The following ABHD12 variants were observed in gnomAD, a reference collection of about 807,000 sequenced individuals.
The protein encoded by ABHD12 is abhydrolase domain containing 12, lysophospholipase.
ABHD12 carries 43 observed loss-of-function variants against 58.3 expected under a neutral mutation model. The observed-to-expected ratio is 0.74, with a 90% confidence interval of 0.58 to 0.95. The LOEUF is 0.95. Among genes scored for constraint, ABHD12 ranks in the 40% least tolerant of loss-of-function variants. The pLI is 0.00. For synonymous variants in ABHD12, 219 were observed against 211.2 expected, an observed-to-expected ratio of 1.04 and a Z score of -0.32; for missense variants, 539 against 537.2, an observed-to-expected ratio of 1.00 and a Z score of -0.03.
chr20:25,339,717 T>G, intron 1 of ABHD12: 1 of 1,362,398 alleles, frequency 7.3e-7, no homozygotes, highest in East Asian at 4.5e-5. Context: ...AAGAGCGGCC[T>G]CCTCAGGCCT....
downstream of ABHD12, among the ~76,000 whole-genome samples, chr20:25,298,743 A>AT (rs2088589944): frequency 6.6e-6 from 1 of 152,160 alleles, no homozygotes; most frequent in African/African-American, 2.4e-5. Flanking sequence ...ACAGTTGCAG[A>AT]TTAAGAAATC....
intron 2 of ABHD12, among the ~76,000 whole-genome samples, chr20:25,326,416 T>C (rs1032609967): frequency 3.3e-5 from 5 of 152,170 alleles, no homozygotes; most frequent in African/African-American, 9.7e-5. Context: ...GTAAAGAATG[T>C]CACTTTCTAA....
chr20:25,355,668 C>A (rs577814426), intron 1 of ABHD12, among the ~76,000 whole-genome samples: 45 of 152,302 alleles, frequency 3.0e-4, no homozygotes, highest in Non-Finnish European at 7.3e-5. Flanking sequence ...AAGCCATTCT[C>A]CTACCTCAGC....
intron 1 of ABHD12, chr20:25,389,820 G>T: frequency 6.6e-6 from 1 of 152,362 alleles, no homozygotes; most frequent in Non-Finnish European, 1.5e-5. Flanking sequence ...CCCTCCGACG[G>T]CTGCGATGCT....
intron 5 of ABHD12, 75 bp downstream of exon 5, chr20:25,316,973 G>T (rs2088973901): frequency 1.5e-6 from 2 of 1,319,898 alleles, no homozygotes; most frequent in African/African-American, 2.9e-5. Flanking sequence ...CAAGCTGTGA[G>T]TCTGGTGACT....
At chr20:25,328,096 G>A (rs781669241) in intron 2 of ABHD12, among the ~76,000 whole-genome samples, 138 of 150,128 alleles carry the variant, frequency 9.2e-4, no homozygotes, top group Non-Finnish European at 1.6e-3. Flanking sequence ...CAAAACGCCA[G>A]TCTCCTGGAA....
intron 1 of ABHD12, among the ~76,000 whole-genome samples, chr20:25,360,104 C>T (rs548358830): frequency 6.6e-6 from 1 of 151,906 alleles, no homozygotes; most frequent in East Asian, 1.9e-4. Context: ...TTACACTTTA[C>T]ATTCAGTCTC....
chr20:25,339,654 C>G, intron 1 of ABHD12: 1 of 1,398,132 alleles, frequency 7.2e-7, no homozygotes, highest in Non-Finnish European at 9.6e-7. Flanking sequence ...GAAAGCAGAC[C>G]CCACCATGCC....
chr20:25,323,859 CTGG>C (rs984533795), intron 2 of ABHD12, among the ~76,000 whole-genome samples: 9 of 152,166 alleles, frequency 5.9e-5, no homozygotes, highest in Non-Finnish European at 1.3e-4. Context: ...ACTCAGGTGC[CTGG>C]TGGAGTGGGA....
chr20:25,298,272 T>TTTTG (rs1207852032), downstream of ABHD12, among the ~76,000 whole-genome samples: 1 of 152,194 alleles, frequency 6.6e-6, no homozygotes, highest in Non-Finnish European at 1.5e-5. Context: ...TAGTTTTGTT[T>TTTTG]TTTTGTTTTT....
At chr20:25,346,480 T>C (rs986027382) in intron 1 of ABHD12, among the ~76,000 whole-genome samples, 2 of 152,144 alleles carry the variant, frequency 1.3e-5, no homozygotes, top group African/African-American at 4.8e-5. Flanking sequence ...TTTGGGGTGA[T>C]GATGTGTCAA....
chr20:25,333,370 C>T (rs1240650775), intron 2 of ABHD12, among the ~76,000 whole-genome samples: 1 of 121,944 alleles, frequency 8.2e-6, no homozygotes, highest in Non-Finnish European at 1.9e-5. Context: ...CTGAATTCTA[C>T]CAGAGGTACA....
intron 1 of ABHD12, among the ~76,000 whole-genome samples, chr20:25,360,223 G>A (rs1043989492): frequency 6.9e-4 from 38 of 55,470 alleles, no homozygotes; most frequent in African/African-American, 2.0e-3. Flanking sequence ...CCTTGAACAC[G>A]TTACTTTTTT....
chr20:25,302,082 G>T, intron 12 of ABHD12, 137 bp downstream of exon 12: 1 of 1,291,924 alleles, frequency 7.7e-7, no homozygotes, highest in Non-Finnish European at 1.1e-6. Flanking sequence ...CCAAGGAAAT[G>T]GAAGGCTCCC....
At chr20:25,321,561 A>T (rs2089066888) in intron 3 of ABHD12, among the ~76,000 whole-genome samples, 1 of 152,248 alleles carries the variant, frequency 6.6e-6, no homozygotes, top group African/African-American at 2.4e-5. Context: ...AACACACAGC[A>T]ACACACAGCG....
At chr20:25,374,937 G>A (rs1314441865) in intron 1 of ABHD12, among the ~76,000 whole-genome samples, 1 of 152,166 alleles carries the variant, frequency 6.6e-6, no homozygotes, top group Non-Finnish European at 1.5e-5. Flanking sequence ...GCTGAATAAT[G>A]TCCCCTCAAA....
rs1449276011 is a variant in ABHD12, at chr20:25,390,554, C to A, written c.150G>T (p.Pro50=). 6.8e-7 allele frequency: 1 copy of A among 1,472,222 alleles called. No homozygotes were observed. The highest frequency in any genetic ancestry group is 1.5e-5 in the African/African-American group (1 of 67,886). The allele number at this position is 1,472,222 out of a possible 1,614,324, so 91.2% of individuals were successfully genotyped here. The stretch of plus-strand genomic sequence containing the variant: ...TCATTCCCGCGTCGGCTGCGCAGCG[C>A]GGCTCAGCCGCCGCCGGGCCCGTCA... ...LRLTGPAAAE[P]RCAADAGMKR... is the part of the protein sequence containing the mutation. Residue 50 remains proline, a synonymous_variant, in exon 1 of 13, where the codon CCG becomes CCT. Transcript: ENST00000339157.
rs187815364 is a variant in ABHD12, at chr20:25,379,649, A to G, written c.191+10864T>C. Among the ~76,000 whole-genome samples the G allele has an allele frequency of 3.9e-5, 6 of 152,266 alleles. No homozygotes were observed. The East Asian group carries it at 1.2e-3, about 29-fold the overall frequency. On this transcript the variant is annotated intron_variant, in intron 1 of 12. Coordinates refer to ENST00000339157, the MANE Select transcript of ABHD12 (RefSeq NM_001042472.3). ...TCCCATGCACACTCCAGACTGCTCT[A>G]ATATTGCACAATTATGATATCATAA...
At chr20:25,346,972 A>G (rs2089528042) in intron 1 of ABHD12, among the ~76,000 whole-genome samples, 2 of 152,176 alleles carry the variant, frequency 1.3e-5, no homozygotes, top group Admixed American at 1.3e-4. Context: ...AAAAGTCAAC[A>G]ACAATAAAAT....
Sources: allele counts gnomAD v4.1 joint callset (sites outside exome capture counted in the v4.1 genomes callset), GRCh38; gene constraint gnomAD v4.1.1; transcripts MANE v1.5; gene names NCBI Gene and HGNC (gene_info 2026-07-23, HGNC 2026-07-21).